The following STX16 variants were observed in gnomAD, a reference collection of about 807,000 sequenced individuals.
STX16 encodes the protein syntaxin-16.
Under a neutral mutation model 42.7 loss-of-function variants are expected in STX16, and 28 were observed. The ratio of observed to expected loss-of-function variants is 0.66; its 90% CI spans 0.49 to 0.90. The LOEUF (loss-of-function observed/expected upper bound fraction) is 0.90, where lower values mean the gene tolerates loss of function less well. Ranked by LOEUF, STX16 falls within the 40% of genes least tolerant of loss-of-function variation. STX16 has a pLI of 0.00. For missense variants in STX16, 361 were observed against 420.9 expected (o/e 0.86, Z 1.24); for synonymous variants, 156 against 155.2 (o/e 1.00, Z -0.04).
Position 58,659,631 on chromosome 20 carries a change from C to T in STX16, c.141C>T (p.Asp47=), listed in dbSNP as rs73598392. 3,310 of 1,612,428 alleles carry T rather than the reference C, an allele frequency of 2.1e-3. 81 individuals are homozygous for T. The East Asian group carries it at 0.056, about 28-fold the overall frequency. The change falls in exon 2 of 9, where the codon GAC becomes GAT. Residue 47 remains aspartate, a synonymous_variant. Coordinates refer to ENST00000371141, the MANE Select transcript of STX16 (RefSeq NM_001001433.3). ...LHSRSIAAEL[D]ELADDRMALV... is the part of the protein sequence containing the mutation. Reference sequence around the variant, plus strand: ...ACAACATGTCTCTTCAGGAGCTGGACGAGGTATTGTGTTTTGAATATTTTT... The same window carrying T: ...ACAACATGTCTCTTCAGGAGCTGGATGAGGTATTGTGTTTTGAATATTTTT...
chr20:58,662,539 C>T (rs752623789), intron 2 of STX16, among the ~76,000 whole-genome samples: 6 of 152,162 alleles, frequency 3.9e-5, no homozygotes, highest in Non-Finnish European at 8.8e-5. Context: ...GAGACAGAGT[C>T]TCACTCTGTT....
At chr20:58,667,745 T>A in intron 3 of STX16, 148 bp downstream of exon 3, 1 of 853,132 alleles carries the variant, frequency 1.2e-6, no homozygotes, top group Non-Finnish European at 1.8e-6. Context: ...TGTCTATGTG[T>A]GTGTTAATGA....
intron 3 of STX16, 41 bp from the exon 4 acceptor site, chr20:58,667,946 C>A (rs767345959): frequency 5.0e-6 from 8 of 1,613,264 alleles, no homozygotes; most frequent in Middle Eastern, 3.3e-4. Flanking sequence ...AGACCATAGC[C>A]TGCCTGGCAT....
intron 2 of STX16, among the ~76,000 whole-genome samples, chr20:58,666,380 G>A (rs912741339): frequency 1.3e-5 from 2 of 150,044 alleles, no homozygotes; most frequent in African/African-American, 2.5e-5. Context: ...CAGCTTAACC[G>A]TGCCAAACCC....
chr20:58,669,232 G>GTGTT (rs1361984210), intron 4 of STX16, 59 bp from the exon 5 acceptor site: 1 of 1,574,454 alleles, frequency 6.4e-7, no homozygotes, highest in Non-Finnish European at 8.6e-7. Context: ...TGATGTGGCA[G>GTGTT]TGTTAGCAGA....
chr20:58,653,577 A>C (rs1339069490), intron 1 of STX16, among the ~76,000 whole-genome samples: 1 of 152,246 alleles, frequency 6.6e-6, no homozygotes. Context: ...GATGTCTGGT[A>C]GCATAGAAAC....
At chr20:58,670,051 C>T (rs6100158) in intron 5 of STX16, among the ~76,000 whole-genome samples, 76,788 of 152,110 alleles carry the variant, frequency 0.5, 19,650 homozygotes, top group Non-Finnish European at 0.53. Context: ...CCCACATACT[C>T]CAAAAAACCT....
Position 58,676,328 on chromosome 20 carries a change from T to A in STX16, c.*37T>A. On this transcript the variant is annotated 3_prime_UTR_variant, in exon 9 of 9. Coordinates refer to ENST00000371141, the MANE Select transcript of STX16 (RefSeq NM_001001433.3). ...TTTTCGTGTGTGCCGCGCGTGTGGA[T>A]CTCCCGGGTGTGAGGGGCTTGGCCT... 6.3e-7 allele frequency: 1 copy of A among 1,580,310 alleles called. No homozygotes were observed. The highest frequency in any genetic ancestry group is 8.7e-7 in the Non-Finnish European group (1 of 1,149,374).
intron 2 of STX16, among the ~76,000 whole-genome samples, chr20:58,660,532 G>A (rs770286744): frequency 2.6e-5 from 4 of 152,066 alleles, no homozygotes; most frequent in Non-Finnish European, 5.9e-5. Context: ...ACAACAGACT[G>A]AGCACAGCCT....
chr20:58,666,423 G>GTTTTTT (rs5842238), intron 2 of STX16, among the ~76,000 whole-genome samples: 1 of 79,728 alleles, frequency 1.3e-5, no homozygotes, highest in Admixed American at 1.4e-4. Flanking sequence ...GTGTGTGTGT[G>GTTTTTT]TTTTTTTTTT....
At chr20:58,652,334 C>A in intron 1 of STX16, 196 bp downstream of exon 1, 2 of 769,922 alleles carry the variant, frequency 2.6e-6, no homozygotes, top group African/African-American at 1.7e-5. Context: ...GAGGCCGCAG[C>A]TCCACCTCTG....
intron 2 of STX16, among the ~76,000 whole-genome samples, chr20:58,661,801 A>C (rs2083707692): frequency 6.6e-6 from 1 of 152,166 alleles, no homozygotes; most frequent in South Asian, 2.1e-4. Flanking sequence ...GCATCTCTGG[A>C]AATAGTGAAC....
rs571807129 is a variant in STX16, at chr20:58,677,478, G to A, written c.*1187G>A. On this transcript the variant is annotated 3_prime_UTR_variant, in exon 9 of 9. Transcript: ENST00000371141. ...CAGACCGCCAAAGTAGGACTTCATCGTTTACCTACCTATTATCAATATGGT... is the reference window on the plus strand; with the variant it reads ...CAGACCGCCAAAGTAGGACTTCATCATTTACCTACCTATTATCAATATGGT... The A allele has an allele frequency of 3.3e-5, 5 of 152,420 alleles. No homozygotes were observed. In the South Asian group the frequency reaches 8.3e-4, roughly 25 times the overall value. 9.4% of individuals were successfully genotyped at this position (152,420 alleles called of 1,614,324 possible).
chr20:58,659,851 C>T (rs965357025), intron 2 of STX16, among the ~76,000 whole-genome samples: 7 of 152,138 alleles, frequency 4.6e-5, no homozygotes, highest in East Asian at 1.9e-4. Flanking sequence ...TTGGGAAGAT[C>T]GTTTACTAGT....
intron 2 of STX16, among the ~76,000 whole-genome samples, chr20:58,661,204 A>T (rs1436615574): frequency 3.9e-5 from 6 of 152,216 alleles, no homozygotes; most frequent in African/African-American, 1.4e-4. Context: ...TTATGGAACC[A>T]CTTAGGTTGA....
At chr20:58,672,131 G>A (rs1325113993) in intron 7 of STX16, among the ~76,000 whole-genome samples, 4 of 152,048 alleles carry the variant, frequency 2.6e-5, no homozygotes, top group African/African-American at 4.8e-5. Flanking sequence ...TCAGCAGTTC[G>A]AGACCAGCGC....
At position 58,651,457 on chromosome 20, in the gene STX16, G is replaced by A. The variant is rs148071494; in HGVS notation, c.-550G>A. The stretch of plus-strand genomic sequence containing the variant: ...CAGGTTCAGACAAGTCCCCAGAAGG[G>A]AGCTGCAGGCGCCCTCGAGTCCAGG... On this transcript the variant is annotated 5_prime_UTR_variant, in exon 1 of 9. Transcript: ENST00000371141. The A allele has an allele frequency of 3.5e-4, 54 of 154,226 alleles. No individual in the cohort carries two copies. Among genetic ancestry groups the A allele is most frequent in the Admixed American group, 2.4e-3 (37 of 15,438 alleles). The allele number at this position is 154,226 out of a possible 1,614,324, so 9.6% of individuals were successfully genotyped here.
chr20:58,651,892 T>C lies in STX16; in HGVS notation c.-115T>C. 5.0e-6 allele frequency: 6 copies of C among 1,198,390 alleles called. No homozygotes were observed. The South Asian group carries it at 8.2e-5, about 16-fold the overall frequency. 74.2% of individuals were successfully genotyped at this position (1,198,390 alleles called of 1,614,324 possible). Reference sequence around the variant, plus strand: ...CTTTTTGGCTTGAGGCCTGAGGCCTTGTCGAGAAGCTTCCGTGAAAGGGTG... The same window carrying C: ...CTTTTTGGCTTGAGGCCTGAGGCCTCGTCGAGAAGCTTCCGTGAAAGGGTG... On this transcript the variant is annotated 5_prime_UTR_variant, in exon 1 of 9. Coordinates refer to ENST00000371141, the MANE Select transcript of STX16 (RefSeq NM_001001433.3).
rs1012343811 is a variant in STX16 at position 58,657,750 on chromosome 20, G to A, written c.133-1873G>A. On this transcript the variant is annotated intron_variant, in intron 1 of 8. Coordinates refer to ENST00000371141, the MANE Select transcript of STX16 (RefSeq NM_001001433.3). The surrounding 1 kb of genome is among the most constrained non-coding windows in gnomAD (Gnocchi z 4.2). Reference sequence around the variant, plus strand: ...GACTAAATTTCCTGGTAATTTGGTGGCAGACAGAATTTTGAAAGCCTTCTA... The same window carrying A: ...GACTAAATTTCCTGGTAATTTGGTGACAGACAGAATTTTGAAAGCCTTCTA... 2.6e-5 allele frequency among the ~76,000 whole-genome samples: 4 copies of A among 152,144 alleles called. No individual in the cohort carries two copies. The highest frequency in any genetic ancestry group is 9.7e-5 in the African/African-American group (4 of 41,416).
Sources: gnomAD v4.1 joint callset for allele counts (sites outside exome capture counted in the v4.1 genomes callset) on GRCh38, gnomAD v4.1.1 for gene constraint, Gnocchi (gnomAD v3.1) non-coding constraint, MANE v1.5 for transcripts, NCBI Gene and HGNC (gene_info 2026-07-23, HGNC 2026-07-21) for gene names.